Variants in ADGRD1 observed in about 807,000 individuals in gnomAD.
ADGRD1 encodes the protein adhesion G protein-coupled receptor D1, also known as G-protein coupled receptor 133.
Under a neutral mutation model 113.4 loss-of-function variants are expected in ADGRD1, and 77 were observed. The ratio of observed to expected loss-of-function variants is 0.68; its 90% CI spans 0.57 to 0.82. ADGRD1 has a LOEUF of 0.82. ADGRD1 is among the 40% of genes least tolerant of loss of function. The pLI, the probability that ADGRD1 is intolerant of heterozygous loss-of-function variation, is 0.00. For synonymous variants in ADGRD1, 474 were observed against 475.0 expected (o/e 1.00, Z 0.03); for missense variants, 1,036 against 1,139.1 (o/e 0.91, Z 1.30).
intron 8 of ADGRD1, chr12:130,994,125 C>G (rs1874845526): frequency 3.2e-6 from 1 of 314,426 alleles, no homozygotes; most frequent in African/African-American, 2.1e-5. Flanking sequence ...CCAAGGCTGC[C>G]CAGTGTGGGA....
Position 131,003,083 on chromosome 12 carries a change from G to A in ADGRD1, c.1027-102G>A. 2 of 935,406 alleles carry A rather than the reference G, an allele frequency of 2.1e-6. No individual in the cohort carries two copies. The highest frequency in any genetic ancestry group is 1.4e-5 in the South Asian group (1 of 72,534). 57.9% of individuals were successfully genotyped at this position (935,406 alleles called of 1,614,324 possible). A position where few individuals can be genotyped will look rare whatever the true frequency, so the allele number is the denominator to read the frequency against. On this transcript the variant is annotated intron_variant, in intron 9 of 24. Transcript: ENST00000261654. This position sits in a 1 kb window ranked among gnomAD's most constrained non-coding sequence, Gnocchi z 4.8. The stretch of plus-strand genomic sequence containing the variant: ...TTGTGTGACTTCTTCCTCCCTCGTG[G>A]CCAACGTGGGGAAACTTGATTTTGT...
At chr12:131,089,755 G>A (rs1457170959) in intron 15 of ADGRD1, among the ~76,000 whole-genome samples, 2 of 152,256 alleles carry the variant, frequency 1.3e-5, no homozygotes, top group African/African-American at 4.8e-5. Flanking sequence ...CCACACGAGT[G>A]AGGTGCTGTC....
At chr12:131,047,749 C>T (rs1030481108) in intron 13 of ADGRD1, among the ~76,000 whole-genome samples, 1 of 152,184 alleles carries the variant, frequency 6.6e-6, no homozygotes, top group Non-Finnish European at 1.5e-5. Context: ...CTCAGCATTT[C>T]TTGGAAGACG....
chr12:131,138,839 G>A (rs540362558), intron 24 of ADGRD1, among the ~76,000 whole-genome samples: 43 of 152,356 alleles, frequency 2.8e-4, no homozygotes, highest in African/African-American at 6.7e-4. Flanking sequence ...ATGAGTCACC[G>A]TGGAATGAAC....
At chr12:131,100,748 C>T (rs1036360598) in intron 15 of ADGRD1, among the ~76,000 whole-genome samples, 4 of 152,148 alleles carry the variant, frequency 2.6e-5, no homozygotes, top group East Asian at 1.9e-4. Flanking sequence ...TGGCCAAGAA[C>T]GGAGATTAAG....
In ADGRD1 at chr12:131,140,555, GAC is replaced by G. The variant is rs1566150110; in HGVS notation, c.*1294_*1295del. The G allele has an allele frequency of 6.6e-6, 1 of 151,954 alleles. No individual in the cohort carries two copies. The highest frequency in any genetic ancestry group is 2.1e-4 in the South Asian group (1 of 4,810). The allele number at this position is 151,954 out of a possible 1,614,324, so 9.4% of individuals were successfully genotyped here. On this transcript the variant is annotated 3_prime_UTR_variant, in exon 25 of 25. Transcript: ENST00000261654. ...CGTGGTGTCTGTGAAATGTGGGTAA[GAC>G]ATTCAAACCTGGTTTTGATACTGGA... is the stretch of plus-strand genomic sequence containing the variant.
chr12:131,042,258 C>A (rs1199260352), intron 13 of ADGRD1, among the ~76,000 whole-genome samples: 1 of 152,162 alleles, frequency 6.6e-6, no homozygotes, highest in South Asian at 2.1e-4. Context: ...TCCATGGGGC[C>A]ACATCCTGGA....
chr12:130,961,417 C>T (rs918284418), intron 2 of ADGRD1, among the ~76,000 whole-genome samples: 21 of 152,016 alleles, frequency 1.4e-4, no homozygotes, highest in African/African-American at 4.8e-4. Flanking sequence ...CTCTCTCTCT[C>T]GTTCTTTCTC....
rs772591952 is a variant in ADGRD1 at position 130,982,022 on chromosome 12, G to A, written c.449G>A (p.Arg150Gln). Reference protein sequence around the residue: ...GGRGSVELYTRDNSMTWEASF... With the variant: ...GGRGSVELYTQDNSMTWEASF... ...AGAGGCTCTGTGGAGCTGTATACGCGGGACAATTCCATGACATGGGAGGCC... is the reference window on the plus strand; with the variant it reads ...AGAGGCTCTGTGGAGCTGTATACGCAGGACAATTCCATGACATGGGAGGCC... The change falls in exon 5 of 25, where the codon CGG (arginine) becomes CAG (glutamine). Residue 150 changes from arginine (R) to glutamine (Q), a missense_variant. By Grantham distance (43) the Arg-to-Gln change is conservative. Coordinates refer to ENST00000261654, the MANE Select transcript of ADGRD1 (RefSeq NM_198827.5). 1.2e-5 allele frequency: 20 copies of A among 1,613,834 alleles called. No homozygotes were observed. The highest frequency in any genetic ancestry group is 2.2e-5 in the East Asian group (1 of 44,896).
At chr12:131,029,287 G>A (rs888920548) in intron 13 of ADGRD1, among the ~76,000 whole-genome samples, 42 of 152,316 alleles carry the variant, frequency 2.8e-4, no homozygotes, top group African/African-American at 7.2e-4. Context: ...CCTGCAGTGC[G>A]AATCCGTTCC....
chr12:131,132,031 C>G (rs1395634352), intron 21 of ADGRD1, among the ~76,000 whole-genome samples: 1 of 152,174 alleles, frequency 6.6e-6, no homozygotes, highest in Non-Finnish European at 1.5e-5. Flanking sequence ...CCCAGAGCTC[C>G]CATGTGTAGA....
rs1207274400 is a variant in ADGRD1 at position 131,140,464 on chromosome 12, TC to T, written c.*1202del. 1 of 152,058 alleles carries T rather than the reference TC, an allele frequency of 6.6e-6. No individual in the cohort carries two copies. Among genetic ancestry groups the T allele is most frequent in the Non-Finnish European group, 1.5e-5 (1 of 68,010 alleles). The allele number at this position is 152,058 out of a possible 1,614,324, so 9.4% of individuals were successfully genotyped here. ...GATCCTGTGGAACACAGGTTTGGGA[TC>T]ATAGATGTGAATTAAGACACCACCG... On this transcript the variant is annotated 3_prime_UTR_variant, in exon 25 of 25. Transcript: ENST00000261654.
At chr12:130,988,129 T>C (rs1873925264) in intron 6 of ADGRD1, 1 of 151,970 alleles carries the variant, frequency 6.6e-6, no homozygotes, top group South Asian at 2.1e-4. Flanking sequence ...AGATTTTTTT[T>C]TTGCTCTGTT....
chr12:131,101,418 G>A (rs1395508452), intron 15 of ADGRD1, among the ~76,000 whole-genome samples: 13 of 100,232 alleles, frequency 1.3e-4, no homozygotes, highest in African/African-American at 5.1e-4. Flanking sequence ...ATGGAGTCTG[G>A]CTCTGTCGCC....
intron 13 of ADGRD1, among the ~76,000 whole-genome samples, chr12:131,046,164 G>A (rs1882703279): frequency 6.9e-6 from 1 of 145,448 alleles, no homozygotes; most frequent in Non-Finnish European, 1.5e-5. Flanking sequence ...TCCCTGGTCA[G>A]TGTCCTTCCT....
At chr12:131,037,971 C>T (rs1168513684) in intron 13 of ADGRD1, among the ~76,000 whole-genome samples, 1 of 151,492 alleles carries the variant, frequency 6.6e-6, no homozygotes, top group Non-Finnish European at 1.5e-5. Context: ...GGGCCCCACT[C>T]ACTGCACTGG....
chr12:131,114,446 GT>G (rs1333729009), intron 18 of ADGRD1, among the ~76,000 whole-genome samples: 1 of 152,152 alleles, frequency 6.6e-6, no homozygotes, highest in Non-Finnish European at 1.5e-5. Flanking sequence ...GGTTCTGTGA[GT>G]CCTGCAACCT....
chr12:131,028,064 C>T (rs962740572), intron 13 of ADGRD1: 2 of 152,186 alleles, frequency 1.3e-5, no homozygotes, highest in African/African-American at 4.8e-5. Flanking sequence ...GTGCCTTCTC[C>T]AGAGCGGGCA....
chr12:131,083,964 A>G (rs1886261972), intron 14 of ADGRD1, among the ~76,000 whole-genome samples: 1 of 152,128 alleles, frequency 6.6e-6, no homozygotes, highest in African/African-American at 2.4e-5. Flanking sequence ...TGTTGGCTCC[A>G]CGGGCCTTGC....
Sources: gnomAD v4.1 joint callset for allele counts (sites outside exome capture counted in the v4.1 genomes callset) on GRCh38, gnomAD v4.1.1 for gene constraint, Gnocchi (gnomAD v3.1) non-coding constraint, MANE v1.5 for transcripts, NCBI Gene and HGNC (gene_info 2026-07-23, HGNC 2026-07-21) for gene names.